ARHGAP10: variants seen among roughly 807,000 people sequenced by gnomAD.
ARHGAP10 encodes Rho GTPase activating protein 10, also known as rho GTPase-activating protein 10.
ARHGAP10 carries 87 observed loss-of-function variants against 108.6 expected under a neutral mutation model. The ratio of observed to expected loss-of-function variants is 0.80; its 90% CI spans 0.67 to 0.96. The LOEUF is 0.96. ARHGAP10 is among the 40% of genes least tolerant of loss of function. ARHGAP10 has a pLI of 0.00. For missense variants in ARHGAP10, 939 were observed against 954.5 expected (o/e 0.98, Z 0.21); for synonymous variants, 347 against 341.1 (o/e 1.02, Z -0.19).
chr4:147,966,997 C>T (rs984998414), intron 18 of ARHGAP10, among the ~76,000 whole-genome samples, 158 bp downstream of exon 18: 3 of 152,232 alleles, frequency 2.0e-5, no homozygotes, highest in Non-Finnish European at 4.4e-5. Flanking sequence ...CATTGAGCTT[C>T]TGTCTTCTGA....
chr4:147,812,990 G>C (rs1732091776), intron 1 of ARHGAP10, among the ~76,000 whole-genome samples: 1 of 152,182 alleles, frequency 6.6e-6, no homozygotes, highest in Admixed American at 6.5e-5. Context: ...CTGCTTGGAA[G>C]CACTGGTGTG....
intron 18 of ARHGAP10, among the ~76,000 whole-genome samples, chr4:148,010,333 T>C (rs1741124105): frequency 6.6e-6 from 1 of 152,218 alleles, no homozygotes; most frequent in Admixed American, 6.5e-5. Context: ...ATGAACATTA[T>C]GATCTTGTGT....
intron 1 of ARHGAP10, among the ~76,000 whole-genome samples, chr4:147,760,354 C>G (rs571409101): frequency 2.6e-4 from 40 of 152,304 alleles, no homozygotes; most frequent in Non-Finnish European, 3.2e-4. Flanking sequence ...ATGTCAATAT[C>G]TAGAGAGCTT....
rs561748545 is a variant in ARHGAP10 at position 147,969,345 on chromosome 4, T to G, written c.1716+2506T>G. ...TTGCCTTTTTTTTTTTTTTTTTTTTTGCCAGTGGTGGTGAATTTATGCCTC... is the reference window on the plus strand; with the variant it reads ...TTGCCTTTTTTTTTTTTTTTTTTTTGGCCAGTGGTGGTGAATTTATGCCTC... On this transcript the variant is annotated intron_variant, in intron 18 of 22. Coordinates refer to ENST00000336498, the MANE Select transcript of ARHGAP10 (RefSeq NM_024605.4). Among the ~76,000 whole-genome samples, 1,154 of 129,064 alleles carry G rather than the reference T, an allele frequency of 8.9e-3. 15 individuals are homozygous for G. Among genetic ancestry groups the G allele is most frequent in the African/African-American group, 0.03 (914 of 30,446 alleles). 84.7% of individuals were successfully genotyped at this position (129,064 alleles called of 152,430 possible).
intron 19 of ARHGAP10, among the ~76,000 whole-genome samples, chr4:148,036,193 C>T (rs1728371382): frequency 6.6e-6 from 1 of 151,468 alleles, no homozygotes; most frequent in Admixed American, 6.6e-5. Context: ...GAATAAATAC[C>T]TGGGCTGAAA....
At chr4:147,949,985 G>A (rs930045381) in intron 15 of ARHGAP10, among the ~76,000 whole-genome samples, 2 of 151,982 alleles carry the variant, frequency 1.3e-5, no homozygotes, top group African/African-American at 4.8e-5. Context: ...ATTGCCCCTG[G>A]TCTTGTGTTG....
intron 13 of ARHGAP10, among the ~76,000 whole-genome samples, chr4:147,915,701 T>C (rs1191769057): frequency 3.3e-5 from 5 of 152,216 alleles, no homozygotes; most frequent in African/African-American, 1.2e-4. Flanking sequence ...TATTTTTCTT[T>C]TTGAATATTT....
intron 7 of ARHGAP10, among the ~76,000 whole-genome samples, chr4:147,872,776 A>T (rs1037011291): frequency 1.3e-5 from 2 of 152,144 alleles, no homozygotes. Context: ...AAAGGCCTTC[A>T]TGTGTGTCTT....
At chr4:147,995,459 T>G (rs904165866) in intron 18 of ARHGAP10, among the ~76,000 whole-genome samples, 11 of 152,230 alleles carry the variant, frequency 7.2e-5, no homozygotes, top group African/African-American at 2.7e-4. Flanking sequence ...GTAGGGAAGC[T>G]TATCAAGTTA....
chr4:147,914,379 A>G (rs11946732), intron 13 of ARHGAP10, among the ~76,000 whole-genome samples: 17,437 of 151,666 alleles, frequency 0.11, 2,148 homozygotes, highest in East Asian at 0.32. Flanking sequence ...TTTTTTTAAG[A>G]TAGGGCCTCA....
chr4:147,839,122 A>ATCTGTCTGTCTGTCTG (rs1234013211), intron 3 of ARHGAP10, among the ~76,000 whole-genome samples: 1 of 148,088 alleles, frequency 6.8e-6, no homozygotes, highest in African/African-American at 2.5e-5. Context: ...CTATCTATCT[A>ATCTGTCTGTCTGTCTG]TCTATCTATC....
At chr4:147,850,673 G>A (rs6853296) in intron 4 of ARHGAP10, among the ~76,000 whole-genome samples, 105,680 of 151,990 alleles carry the variant, frequency 0.7, 43,140 homozygotes, top group Non-Finnish European at 0.89. Context: ...AACACTCACT[G>A]CGAGGGTCCG....
At chr4:148,024,611 T>C (rs184601748) in intron 19 of ARHGAP10, among the ~76,000 whole-genome samples, 3 of 152,370 alleles carry the variant, frequency 2.0e-5, no homozygotes, top group African/African-American at 7.2e-5. Flanking sequence ...GATACAAATA[T>C]TAGTTTTACA....
intron 1 of ARHGAP10, among the ~76,000 whole-genome samples, chr4:147,763,523 G>T (rs981044500): frequency 6.6e-6 from 1 of 151,948 alleles, no homozygotes; most frequent in Non-Finnish European, 1.5e-5. Flanking sequence ...TGTTGGACAG[G>T]ATGGTCTCGA....
At chr4:148,059,705 G>A (rs1729517656) in intron 20 of ARHGAP10, among the ~76,000 whole-genome samples, 1 of 152,122 alleles carries the variant, frequency 6.6e-6, no homozygotes, top group Non-Finnish European at 1.5e-5. Flanking sequence ...GAACTGTGAA[G>A]GGTCTGAAAC....
intron 18 of ARHGAP10, among the ~76,000 whole-genome samples, chr4:147,990,702 T>C (rs1039554864): frequency 2.6e-5 from 4 of 152,156 alleles, no homozygotes; most frequent in Non-Finnish European, 5.9e-5. Context: ...TGTTCTTACT[T>C]ATGAACAGGA....
chr4:147,999,614 A>T (rs950405513), intron 18 of ARHGAP10, among the ~76,000 whole-genome samples: 11 of 152,208 alleles, frequency 7.2e-5, no homozygotes, highest in African/African-American at 2.7e-4. Flanking sequence ...AATGGAGCTG[A>T]ACACTAGTCA....
intron 1 of ARHGAP10, among the ~76,000 whole-genome samples, chr4:147,738,231 T>C (rs965214253): frequency 6.6e-6 from 1 of 152,158 alleles, no homozygotes; most frequent in African/African-American, 2.4e-5. Context: ...GCTTAGCTTT[T>C]CTATATCTGT....
At chr4:148,020,747 G>C (rs1741536757) in intron 18 of ARHGAP10, among the ~76,000 whole-genome samples, 1 of 152,086 alleles carries the variant, frequency 6.6e-6, no homozygotes. Context: ...TAATGCTGCA[G>C]CAAACATACT....
Sources: gnomAD v4.1 joint callset for allele counts (sites outside exome capture counted in the v4.1 genomes callset) on GRCh38, gnomAD v4.1.1 for gene constraint, MANE v1.5 for transcripts, NCBI Gene and HGNC (gene_info 2026-07-23, HGNC 2026-07-21) for gene names.